ADARB2: variants seen among roughly 807,000 people sequenced by gnomAD.
ADARB2 encodes inactive double-stranded RNA-specific editase B2.
ADARB2 carries 25 observed loss-of-function variants against 62.2 expected under a neutral mutation model. The observed-to-expected ratio is 0.40, with a 90% CI of 0.29 to 0.56. The LOEUF (loss-of-function observed/expected upper bound fraction) is 0.56, where lower values mean the gene tolerates loss of function less well. Ranked by LOEUF, ADARB2 falls within the 20% of genes least tolerant of loss-of-function variation. ADARB2 has a pLI of 0.43. For missense variants in ADARB2, 1,071 were observed against 1,077.4 expected (o/e 0.99, Z 0.08); for synonymous variants, 572 against 500.8 (o/e 1.14, Z -1.90).
At chr10:1,456,576 G>A (rs1366799312) in intron 1 of ADARB2, among the ~76,000 whole-genome samples, 1 of 152,104 alleles carries the variant, frequency 6.6e-6, no homozygotes, top group East Asian at 1.9e-4. Flanking sequence ...ACCCAGCTCT[G>A]CCTCAGCAAC....
At chr10:1,261,489 G>A (rs1199374087) in intron 4 of ADARB2, among the ~76,000 whole-genome samples, 1 of 150,278 alleles carries the variant, frequency 6.7e-6, no homozygotes, top group Non-Finnish European at 1.5e-5. Context: ...AGTGGGCAAA[G>A]GACATGAACA....
intron 1 of ADARB2, among the ~76,000 whole-genome samples, chr10:1,510,171 T>TCTTTCTTC (rs1831918452): frequency 1.3e-5 from 1 of 79,872 alleles, no homozygotes; most frequent in Non-Finnish European, 2.7e-5. Context: ...TTTCTTTCTT[T>TCTTTCTTC]TTCTTTCTTT....
At chr10:1,184,770 A>T (rs1180909737) in intron 9 of ADARB2, 91 bp downstream of exon 9, 7 of 1,415,518 alleles carry the variant, frequency 4.9e-6, no homozygotes, top group Non-Finnish European at 4.8e-6. Context: ...CTCCCTGCAG[A>T]CCAAGTGTTG....
At chr10:1,615,417 A>G (rs1399872110) in intron 1 of ADARB2, among the ~76,000 whole-genome samples, 1 of 152,186 alleles carries the variant, frequency 6.6e-6, no homozygotes, top group East Asian at 1.9e-4. Context: ...ACTCACTGCC[A>G]TCGCCAGTTA....
chr10:1,299,126 A>C (rs549005588), intron 3 of ADARB2, among the ~76,000 whole-genome samples: 5 of 152,008 alleles, frequency 3.3e-5, no homozygotes, highest in Middle Eastern at 3.4e-3. Context: ...CATGCTCTTA[A>C]ATGTCTTGTG....
At chr10:1,540,141 C>T (rs757674149) in intron 1 of ADARB2, among the ~76,000 whole-genome samples, 2 of 152,148 alleles carry the variant, frequency 1.3e-5, no homozygotes. Context: ...CGATTCTCAA[C>T]AATATAAGAA....
chr10:1,539,421 C>T (rs572098722), intron 1 of ADARB2, among the ~76,000 whole-genome samples: 5 of 152,318 alleles, frequency 3.3e-5, no homozygotes, highest in African/African-American at 9.6e-5. Context: ...GTGCTGTGTG[C>T]CTGGCTTCCA....
chr10:1,568,402 C>G (rs771867606), intron 1 of ADARB2, among the ~76,000 whole-genome samples: 1 of 152,184 alleles, frequency 6.6e-6, no homozygotes, highest in Admixed American at 6.5e-5. Flanking sequence ...GCTGCGGGGC[C>G]GTCTCCGCAG....
In ADARB2 at chr10:1,365,344, G is replaced by A. The variant is rs61833599; in HGVS notation, c.188-1427C>T. Among the ~76,000 whole-genome samples, 28 of 152,126 alleles carry A rather than the reference G, an allele frequency of 1.8e-4. 1 individual carries two copies. In the East Asian group the frequency reaches 3.3e-3, roughly 18 times the overall value. ...GTTGTGAGTGTTCCCACCGCTCCACGGACCGGCCGTTCCCTCATCTCTCTC... is the reference window on the plus strand; with the variant it reads ...GTTGTGAGTGTTCCCACCGCTCCACAGACCGGCCGTTCCCTCATCTCTCTC... On this transcript the variant is annotated intron_variant, in intron 2 of 9. Coordinates refer to ENST00000381312, the MANE Select transcript of ADARB2 (RefSeq NM_018702.4).
intron 6 of ADARB2, 119 bp downstream of exon 6, chr10:1,233,575 G>C (rs1589160078): frequency 1.8e-6 from 2 of 1,097,354 alleles, no homozygotes; most frequent in East Asian, 5.5e-5. Context: ...TCCCCTTCCA[G>C]TACCCAAGGG....
intron 1 of ADARB2, among the ~76,000 whole-genome samples, chr10:1,510,096 T>TC (rs1831906380): frequency 1.4e-4 from 17 of 124,800 alleles, no homozygotes; most frequent in African/African-American, 4.1e-4. Context: ...TCTCTCTCTC[T>TC]TTTCTTTCTT....
At chr10:1,630,335 GT>G (rs1297954065) in intron 1 of ADARB2, among the ~76,000 whole-genome samples, 6 of 152,252 alleles carry the variant, frequency 3.9e-5, no homozygotes, top group Admixed American at 3.9e-4. Flanking sequence ...GATCAACGCA[GT>G]ACAGAAGCAA....
At chr10:1,402,261 C>A (rs113492092) in intron 1 of ADARB2, among the ~76,000 whole-genome samples, 1 of 152,186 alleles carries the variant, frequency 6.6e-6, no homozygotes, top group East Asian at 1.9e-4. Flanking sequence ...TTTACGCGTG[C>A]GCGCGCCGGT....
rs1831366224 is a variant in ADARB2 at position 1,280,993 on chromosome 10, CAAT to C, written c.1078-9927_1078-9925del. Reference sequence around the variant, plus strand: ...CTTTGGGGGCCGTGGGTTACGGCAACAATGTTATTTACTCTGAGTCATAGAAGA... The same window carrying C: ...CTTTGGGGGCCGTGGGTTACGGCAACGTTATTTACTCTGAGTCATAGAAGA... On this transcript the variant is annotated intron_variant, in intron 3 of 9. Coordinates refer to ENST00000381312, the MANE Select transcript of ADARB2 (RefSeq NM_018702.4). 2.6e-5 allele frequency among the ~76,000 whole-genome samples: 4 copies of C among 152,294 alleles called. No homozygotes were observed. In the South Asian group the frequency reaches 8.3e-4, roughly 32 times the overall value.
At chr10:1,295,239 A>C (rs1831513189) in intron 3 of ADARB2, among the ~76,000 whole-genome samples, 1 of 152,244 alleles carries the variant, frequency 6.6e-6, no homozygotes, top group African/African-American at 2.4e-5. Context: ...TGAATGTGAC[A>C]TGGGATGTGG....
intron 6 of ADARB2, among the ~76,000 whole-genome samples, chr10:1,230,735 T>C (rs927922269): frequency 3.9e-5 from 6 of 152,138 alleles, no homozygotes; most frequent in Non-Finnish European, 8.8e-5. Flanking sequence ...GTCCCTGTTA[T>C]AGGAGAGTTC....
intron 1 of ADARB2, among the ~76,000 whole-genome samples, chr10:1,452,150 C>A (rs1353684274): frequency 6.6e-6 from 1 of 152,188 alleles, no homozygotes. Flanking sequence ...CACCATCACA[C>A]CTCTGGGTGT....
chr10:1,307,573 T>G (rs1831641391), intron 3 of ADARB2, among the ~76,000 whole-genome samples: 1 of 143,716 alleles, frequency 7.0e-6, no homozygotes, highest in South Asian at 2.5e-4. Context: ...AGCCATCCCA[T>G]TACTGGGTAT....
intron 1 of ADARB2, among the ~76,000 whole-genome samples, chr10:1,559,447 G>T (rs1405954611): frequency 6.6e-6 from 1 of 152,228 alleles, no homozygotes; most frequent in African/African-American, 2.4e-5. Context: ...GGTCCACTGG[G>T]TGGACGCCTG....
Sources: gnomAD v4.1 joint callset for allele counts (sites outside exome capture counted in the v4.1 genomes callset) on GRCh38, gnomAD v4.1.1 for gene constraint, MANE v1.5 for transcripts, NCBI Gene and HGNC (gene_info 2026-07-23, HGNC 2026-07-21) for gene names.